The following MBD5 variants were observed in gnomAD, a reference collection of about 807,000 sequenced individuals.
MBD5 encodes the protein methyl-CpG binding domain protein 5.
Under a neutral mutation model 117.3 loss-of-function variants are expected in MBD5, and 13 were observed. The ratio of observed to expected loss-of-function variants is 0.11; its 90% CI spans 0.07 to 0.18. The LOEUF (loss-of-function observed/expected upper bound fraction) is 0.18, where lower values mean the gene tolerates loss of function less well. Among genes scored for constraint, MBD5 ranks in the 10% least tolerant of loss-of-function variants. The pLI, the probability that MBD5 is intolerant of heterozygous loss-of-function variation, is 1.00. For synonymous variants in MBD5, 727 were observed against 766.4 expected (o/e 0.95, Z 0.85); for missense variants, 1,879 against 2,093.8 (o/e 0.90, Z 2.00).
At chr2:148,159,310 G>A (rs1456923677) in intron 1 of MBD5, among the ~76,000 whole-genome samples, 1 of 151,826 alleles carries the variant, frequency 6.6e-6, no homozygotes, top group Non-Finnish European at 1.5e-5. Context: ...TTGTTTTGTT[G>A]TTGTTGTTGT....
At chr2:148,225,449 G>A (rs1699797367) in intron 2 of MBD5, among the ~76,000 whole-genome samples, 2 of 151,680 alleles carry the variant, frequency 1.3e-5, no homozygotes, top group Non-Finnish European at 2.9e-5. Context: ...TTATTTTATT[G>A]GTTAATTATT....
chr2:148,322,567 A>G (rs1156858208), intron 3 of MBD5, among the ~76,000 whole-genome samples: 1 of 152,160 alleles, frequency 6.6e-6, no homozygotes, highest in Non-Finnish European at 1.5e-5. Context: ...AGGGAAGGAG[A>G]CAACACACAA....
intron 1 of MBD5, among the ~76,000 whole-genome samples, chr2:148,138,950 CAG>C (rs1697238329): frequency 6.6e-6 from 1 of 152,172 alleles, no homozygotes; most frequent in African/African-American, 2.4e-5. Flanking sequence ...ATGCAAATCT[CAG>C]AGAATGCAGT....
chr2:148,472,195 T>C (rs1680819545), intron 8 of MBD5: 1 of 151,558 alleles, frequency 6.6e-6, no homozygotes, highest in Admixed American at 6.6e-5. Context: ...TGGTCATTTA[T>C]TTTTTTTGTT....
At chr2:148,164,811 T>G (rs181091892) in intron 1 of MBD5, among the ~76,000 whole-genome samples, 101 of 152,322 alleles carry the variant, frequency 6.6e-4, no homozygotes, top group Non-Finnish European at 1.2e-3. Context: ...AATTATTTCT[T>G]ACAGTTCTGA....
At chr2:148,434,022 G>T (rs1242160074) in intron 4 of MBD5, among the ~76,000 whole-genome samples, 1 of 151,624 alleles carries the variant, frequency 6.6e-6, no homozygotes, top group Non-Finnish European at 1.5e-5. Context: ...CTGGTCCTGG[G>T]TTTTTTCTGG....
chr2:148,092,486 A>C (rs1695968951), intron 1 of MBD5, among the ~76,000 whole-genome samples: 1 of 152,230 alleles, frequency 6.6e-6, no homozygotes, highest in Non-Finnish European at 1.5e-5. Flanking sequence ...CTACTCAGCC[A>C]TAAAAAGGAA....
chr2:148,025,186 A>G (rs1693860910), intron 1 of MBD5: 4 of 152,192 alleles, frequency 2.6e-5, no homozygotes, highest in Admixed American at 2.6e-4. Flanking sequence ...CATCTGAAAA[A>G]CAAAGATGGT....
intron 3 of MBD5, among the ~76,000 whole-genome samples, chr2:148,323,179 CATT>C (rs1242212308): frequency 2.0e-5 from 3 of 151,962 alleles, no homozygotes; most frequent in Non-Finnish European, 2.9e-5. Context: ...ATGAACTCAT[CATT>C]TTTTATGGCT....
intron 1 of MBD5, among the ~76,000 whole-genome samples, chr2:148,067,340 G>A (rs1483452575): frequency 1.3e-5 from 2 of 152,076 alleles, no homozygotes; most frequent in Admixed American, 6.5e-5. Flanking sequence ...TAATAACTAC[G>A]ATATTTTTGT....
chr2:148,412,272 T>TTTTGTG (rs946184910), intron 4 of MBD5, among the ~76,000 whole-genome samples: 2 of 144,480 alleles, frequency 1.4e-5, no homozygotes, highest in Admixed American at 6.9e-5. Flanking sequence ...AGTATACTTT[T>TTTTGTG]TGTGTGTGTG....
Position 148,458,877 on chromosome 2 carries a change from T to A in MBD5, c.113+6T>A, listed in dbSNP as rs1384972828. 1.9e-6 allele frequency: 3 copies of A among 1,604,686 alleles called. No individual in the cohort carries two copies. Among genetic ancestry groups the A allele is most frequent in the Non-Finnish European group, 2.6e-6 (3 of 1,171,848 alleles). The stretch of plus-strand genomic sequence containing the variant: ...AATGGAGTGCTTTATGTCAGGTAAG[T>A]TCTTATTATTACCTGTGGTACCTGC... On this transcript the variant is annotated splice_donor_region_variant and intron_variant, in intron 5 of 13. Transcript: ENST00000642680.
intron 3 of MBD5, among the ~76,000 whole-genome samples, chr2:148,260,899 C>T (rs1050638760): frequency 6.6e-5 from 10 of 152,196 alleles, no homozygotes; most frequent in Non-Finnish European, 1.2e-4. Flanking sequence ...TACAGAATAG[C>T]TATGGTTTTG....
intron 1 of MBD5, among the ~76,000 whole-genome samples, chr2:148,122,497 A>C (rs142322128): frequency 6.6e-6 from 1 of 152,314 alleles, no homozygotes; most frequent in Non-Finnish European, 1.5e-5. Flanking sequence ...GCAGGGAGGT[A>C]CATGATATGT....
intron 1 of MBD5, among the ~76,000 whole-genome samples, chr2:148,141,061 C>A (rs1457754132): frequency 6.6e-6 from 1 of 152,084 alleles, no homozygotes; most frequent in African/African-American, 2.4e-5. Flanking sequence ...TGTCAGGCAC[C>A]GCGCCCAGCT....
rs994903971 is a variant in MBD5, at chr2:148,339,063, T to C, written c.-679-3151T>C. On this transcript the variant is annotated intron_variant, in intron 3 of 13. Transcript: ENST00000642680. ...CAGGAGACAGATCACAGGTTGGATATAGACACCACAGTGTGAAGGAGGACA... is the reference window on the plus strand; with the variant it reads ...CAGGAGACAGATCACAGGTTGGATACAGACACCACAGTGTGAAGGAGGACA... Among the ~76,000 whole-genome samples the C allele has an allele frequency of 2.0e-5, 3 of 152,096 alleles. 1 individual carries two copies. Among genetic ancestry groups the C allele is most frequent in the Non-Finnish European group, 4.4e-5 (3 of 68,006 alleles).
At position 148,484,140 on chromosome 2, in the gene MBD5, G is replaced by T; in HGVS notation, c.3544+5G>T. ...TACTGGGGACAGGTCTACTTGGTAAGTTAAATTTTTTCACAAATTTTTTAC... is the reference window on the plus strand; with the variant it reads ...TACTGGGGACAGGTCTACTTGGTAATTTAAATTTTTTCACAAATTTTTTAC... On this transcript the variant is annotated splice_donor_5th_base_variant and intron_variant, in intron 9 of 13. Coordinates refer to ENST00000642680, the MANE Select transcript of MBD5 (RefSeq NM_001378120.1). 1 of 1,410,814 alleles carries T rather than the reference G, an allele frequency of 7.1e-7. No individual in the cohort carries two copies. The allele number at this position is 1,410,814 out of a possible 1,614,324, so 87.4% of individuals were successfully genotyped here. A position where few individuals can be genotyped will look rare whatever the true frequency, so the allele number is the denominator to read the frequency against.
rs144573447 is a variant in MBD5 at position 148,092,281 on chromosome 2, C to T, written c.-925+70597C>T. Reference sequence around the variant, plus strand: ...ATTCCTTAAAGAACTAAAAGTAGAACTACCATTTGACCCGGCAATCCCAAT... The same window carrying T: ...ATTCCTTAAAGAACTAAAAGTAGAATTACCATTTGACCCGGCAATCCCAAT... On this transcript the variant is annotated intron_variant, in intron 1 of 13. Transcript: ENST00000642680. 7.4e-3 allele frequency among the ~76,000 whole-genome samples: 1,132 copies of T among 152,288 alleles called. 12 individuals are homozygous for T. Among genetic ancestry groups the T allele is most frequent in the African/African-American group, 0.025 (1,051 of 41,572 alleles).
intron 4 of MBD5, among the ~76,000 whole-genome samples, chr2:148,353,607 G>A (rs1703300205): frequency 6.6e-6 from 1 of 152,098 alleles, no homozygotes; most frequent in South Asian, 2.1e-4. Flanking sequence ...TTGAGACATG[G>A]TCTCACTCTA....
Sources: allele counts gnomAD v4.1 joint callset (sites outside exome capture counted in the v4.1 genomes callset), GRCh38; gene constraint gnomAD v4.1.1; transcripts MANE v1.5; gene names NCBI Gene and HGNC (gene_info 2026-07-23, HGNC 2026-07-21).